ANO3: variants seen among roughly 807,000 people sequenced by gnomAD.
ANO3 encodes the protein anoctamin 3.
Under a neutral mutation model 144.8 loss-of-function variants are expected in ANO3, and 99 were observed. The ratio of observed to expected loss-of-function variants is 0.68; its 90% CI spans 0.58 to 0.81. ANO3 has a LOEUF of 0.81. Among genes scored for constraint, ANO3 ranks in the 30% least tolerant of loss-of-function variants. The probability of loss-of-function intolerance (pLI) is 0.00; values close to 1 mark genes in which losing one functional copy is unlikely to be tolerated. For missense variants in ANO3, 905 were observed against 1,202.2 expected, an observed-to-expected ratio of 0.75 and a Z score of 3.66; for synonymous variants, 414 against 392.6, an observed-to-expected ratio of 1.05 and a Z score of -0.64.
chr11:26,572,242 C>T, intron 14 of ANO3: 1 of 985,420 alleles, frequency 1.0e-6, no homozygotes, highest in Middle Eastern at 5.2e-4. Flanking sequence ...CCTGACTGAC[C>T]TGCTTCTCAG....
At chr11:26,549,933 TCTCTTGA>T (rs1488351483) in intron 12 of ANO3, among the ~76,000 whole-genome samples, 3 of 151,914 alleles carry the variant, frequency 2.0e-5, no homozygotes, top group Admixed American at 2.0e-4. Context: ...TTCCAAGCCC[TCTCTTGA>T]CACTGTCCTT....
intron 24 of ANO3, among the ~76,000 whole-genome samples, chr11:26,648,881 A>G (rs1853434487): frequency 6.6e-6 from 1 of 152,190 alleles, no homozygotes; most frequent in Admixed American, 6.5e-5. Flanking sequence ...GCCCTGGAAT[A>G]GGAGGAAATG....
At chr11:26,626,669 C>G (rs907503802) in intron 18 of ANO3, among the ~76,000 whole-genome samples, 1 of 152,200 alleles carries the variant, frequency 6.6e-6, no homozygotes, top group Admixed American at 6.5e-5. Flanking sequence ...AATCTGAAAA[C>G]TCAGAAACTT....
intron 24 of ANO3, among the ~76,000 whole-genome samples, chr11:26,648,115 C>A (rs916176556): frequency 6.6e-6 from 1 of 152,056 alleles, no homozygotes; most frequent in Non-Finnish European, 1.5e-5. Flanking sequence ...TTAGAAGTTA[C>A]ATTCTGTAAA....
intron 9 of ANO3, among the ~76,000 whole-genome samples, chr11:26,535,676 G>A (rs554544856): frequency 2.8e-4 from 40 of 142,208 alleles, no homozygotes; most frequent in Admixed American, 7.4e-4. Flanking sequence ...TCTGCCTCCC[G>A]GGTTCACACC....
rs146935618 is a variant in ANO3, at chr11:26,647,401, C to T, written c.2429-308C>T. ...ACTATTTTTATTGCCTCAGCAAGTTCTGTAAATTAGACTTTGAAATATCTT... is the reference window on the plus strand; with the variant it reads ...ACTATTTTTATTGCCTCAGCAAGTTTTGTAAATTAGACTTTGAAATATCTT... On this transcript the variant is annotated intron_variant, in intron 23 of 26. Coordinates refer to ENST00000256737, the MANE Select transcript of ANO3 (RefSeq NM_031418.4). 8.5e-3 allele frequency among the ~76,000 whole-genome samples: 1,301 copies of T among 152,268 alleles called. 10 individuals are homozygous for T. Among genetic ancestry groups the T allele is most frequent in the Non-Finnish European group, 0.014 (956 of 68,020 alleles).
At chr11:26,555,989 A>C (rs2134236086) in intron 13 of ANO3, among the ~76,000 whole-genome samples, 1 of 152,294 alleles carries the variant, frequency 6.6e-6, no homozygotes, top group African/African-American at 2.4e-5. Flanking sequence ...TATATTGAAA[A>C]GGCCATGTGT....
intron 13 of ANO3, among the ~76,000 whole-genome samples, chr11:26,554,690 G>C (rs1850034081): frequency 6.6e-6 from 1 of 152,046 alleles, no homozygotes; most frequent in South Asian, 2.1e-4. Context: ...TGGCTGGTCT[G>C]ACTCCAGTCT....
At chr11:26,588,433 A>C (rs1051937475) in intron 14 of ANO3, among the ~76,000 whole-genome samples, 1 of 152,222 alleles carries the variant, frequency 6.6e-6, no homozygotes, top group South Asian at 2.1e-4. Context: ...CCAGCTGAGC[A>C]TGGATTTTTA....
chr11:26,222,138 T>G (rs1852158537), intron 1 of ANO3, among the ~76,000 whole-genome samples: 1 of 152,222 alleles, frequency 6.6e-6, no homozygotes, highest in Non-Finnish European at 1.5e-5. Flanking sequence ...CAAAACAAGT[T>G]ATTTATTTCC....
chr11:26,595,893 G>A (rs181708091), intron 14 of ANO3, among the ~76,000 whole-genome samples: 157 of 152,248 alleles, frequency 1.0e-3, no homozygotes, highest in South Asian at 1.9e-3. Context: ...TCCTCTAAAG[G>A]TTATTTTTCT....
intron 26 of ANO3, among the ~76,000 whole-genome samples, chr11:26,656,822 G>A (rs922764389): frequency 2.0e-5 from 3 of 152,034 alleles, no homozygotes; most frequent in Admixed American, 2.0e-4. Context: ...AATCCATATC[G>A]ATTCATTGGG....
chr11:26,625,470 C>T (rs1170385641), intron 18 of ANO3, among the ~76,000 whole-genome samples: 2 of 152,142 alleles, frequency 1.3e-5, no homozygotes, highest in Non-Finnish European at 2.9e-5. Context: ...GCATTTTTAG[C>T]CAAATTAATC....
chr11:26,353,087 G>A (rs1205836816), intron 1 of ANO3, among the ~76,000 whole-genome samples: 1 of 152,182 alleles, frequency 6.6e-6, no homozygotes, highest in Non-Finnish European at 1.5e-5. Flanking sequence ...TGCCCAACGG[G>A]GTTTGGAGCG....
chr11:26,217,118 T>C (rs1171582850), intron 1 of ANO3, among the ~76,000 whole-genome samples: 1 of 152,090 alleles, frequency 6.6e-6, no homozygotes, highest in Non-Finnish European at 1.5e-5. Context: ...CATTTGATGT[T>C]GTACCTAAAA....
chr11:26,445,310 A>G (rs1234892289), intron 3 of ANO3, among the ~76,000 whole-genome samples: 1 of 152,202 alleles, frequency 6.6e-6, no homozygotes, highest in East Asian at 1.9e-4. Flanking sequence ...ACAGGTGGGA[A>G]AGTTTGCAAA....
intron 23 of ANO3, 71 bp from the exon 24 acceptor site, chr11:26,647,614 CAACATAAGTAAAACATTATTTCCA>C: frequency 8.2e-7 from 1 of 1,216,690 alleles, no homozygotes; most frequent in South Asian, 1.6e-5. Context: ...GCTGTGGTTC[CAACATAAGTAAAACATTATTTCCA>C]AAATAAGATT....
chr11:26,189,392 G>A, intron 1 of ANO3: 3 of 876,478 alleles, frequency 3.4e-6, no homozygotes, highest in Non-Finnish European at 4.1e-6. Flanking sequence ...CTTCTTTAAT[G>A]TCTGATGTGT....
At chr11:26,545,840 G>A (rs1274679905) in intron 11 of ANO3, among the ~76,000 whole-genome samples, 2 of 151,838 alleles carry the variant, frequency 1.3e-5, no homozygotes, top group Non-Finnish European at 2.9e-5. Flanking sequence ...ATAGAAGATT[G>A]TGAGTACCAG....
Sources: allele counts gnomAD v4.1 joint callset (sites outside exome capture counted in the v4.1 genomes callset), GRCh38; gene constraint gnomAD v4.1.1; transcripts MANE v1.5; gene names NCBI Gene and HGNC (gene_info 2026-07-23, HGNC 2026-07-21).